Variants in DCC observed in about 807,000 individuals in gnomAD.
The protein encoded by DCC is netrin receptor DCC.
A neutral mutation model predicts 172.5 loss-of-function variants in DCC; 58 were observed. The ratio of observed to expected loss-of-function variants is 0.34; its 90% CI spans 0.27 to 0.42. The LOEUF (loss-of-function observed/expected upper bound fraction) is 0.42. DCC is among the 10% of genes least tolerant of loss of function. The pLI, the probability that DCC is intolerant of heterozygous loss-of-function variation, is 1.00. For missense variants in DCC, 1,740 were observed against 1,791.0 expected (o/e 0.97, Z 0.51); for synonymous variants, 709 against 644.5 (o/e 1.10, Z -1.52).
chr18:53,493,358 T>G (rs2045980692), intron 26 of DCC, among the ~76,000 whole-genome samples: 1 of 152,224 alleles, frequency 6.6e-6, no homozygotes, highest in African/African-American at 2.4e-5. Flanking sequence ...CTTCCAACAC[T>G]ATGTTGAATA....
At chr18:53,186,027 T>C (rs34059088) in intron 9 of DCC, among the ~76,000 whole-genome samples, 2,111 of 152,290 alleles carry the variant, frequency 0.014, 48 homozygotes, top group African/African-American at 0.044. Flanking sequence ...AGCTTACTAG[T>C]TGCTTGGGTT....
intron 1 of DCC, among the ~76,000 whole-genome samples, chr18:52,546,272 T>C (rs1316924851): frequency 1.3e-5 from 2 of 152,034 alleles, no homozygotes; most frequent in Admixed American, 6.6e-5. Context: ...AGGAGTGGTG[T>C]TGATGGGGAT....
chr18:52,598,469 A>G (rs1657870014), intron 1 of DCC, among the ~76,000 whole-genome samples: 2 of 152,208 alleles, frequency 1.3e-5, no homozygotes, highest in Admixed American at 1.3e-4. Context: ...CCAAGAATGC[A>G]TGGAGTCTCA....
At chr18:52,772,267 C>G (rs148879353) in intron 2 of DCC, among the ~76,000 whole-genome samples, 25 of 152,222 alleles carry the variant, frequency 1.6e-4, no homozygotes, top group African/African-American at 5.5e-4. Context: ...GACCATTGTA[C>G]CATGACTAAA....
rs991602746 is a variant in DCC, at chr18:52,379,481, A to G, written c.91+38603A>G. On this transcript the variant is annotated intron_variant, in intron 1 of 28. Coordinates refer to ENST00000442544, the MANE Select transcript of DCC (RefSeq NM_005215.4). ...CGTATTTAATTTGTTCTGTTGTTCA[A>G]CACTCTCCTCTCCACTGCCATGCTT... 1.4e-4 allele frequency among the ~76,000 whole-genome samples: 22 copies of G among 152,248 alleles called. No individual in the cohort carries two copies. In the South Asian group the frequency reaches 3.9e-3, roughly 27 times the overall value.
intron 19 of DCC, among the ~76,000 whole-genome samples, chr18:53,409,157 C>T (rs930166549): frequency 1.3e-4 from 19 of 151,976 alleles, no homozygotes; most frequent in African/African-American, 2.7e-4. Flanking sequence ...TGGGAATAAG[C>T]GGGAAGGAAG....
intron 1 of DCC, among the ~76,000 whole-genome samples, chr18:52,639,050 C>A (rs964023635): frequency 6.6e-6 from 1 of 152,128 alleles, no homozygotes; most frequent in Non-Finnish European, 1.5e-5. Flanking sequence ...ATAATCTGCT[C>A]CTGAATGAGC....
intron 7 of DCC, among the ~76,000 whole-genome samples, chr18:53,067,739 T>A (rs1232086335): frequency 6.6e-6 from 1 of 152,230 alleles, no homozygotes; most frequent in Non-Finnish European, 1.5e-5. Flanking sequence ...TAAAGAGTTA[T>A]CTATCATGTT....
At chr18:53,506,483 G>A (rs998753915) in intron 27 of DCC, among the ~76,000 whole-genome samples, 2 of 152,032 alleles carry the variant, frequency 1.3e-5, no homozygotes, top group Non-Finnish European at 2.9e-5. Flanking sequence ...CACAGCCCTC[G>A]GAAATTCAGT....
At chr18:53,400,146 G>A (rs904349797) in intron 18 of DCC, among the ~76,000 whole-genome samples, 1 of 152,078 alleles carries the variant, frequency 6.6e-6, no homozygotes, top group East Asian at 1.9e-4. Context: ...TTGTGGACAA[G>A]TTAAAATCAG....
intron 1 of DCC, among the ~76,000 whole-genome samples, chr18:52,464,698 T>C (rs11082926): frequency 0.22 from 33,708 of 152,020 alleles, 4,619 homozygotes; most frequent in Admixed American, 0.31. Context: ...GAGTAGGCAG[T>C]GAGAAATCAC....
At chr18:52,748,042 C>A (rs1240253798) in intron 1 of DCC, among the ~76,000 whole-genome samples, 1 of 152,180 alleles carries the variant, frequency 6.6e-6, no homozygotes, top group Non-Finnish European at 1.5e-5. Flanking sequence ...GCTCGTGCTA[C>A]GACCCCTGAT....
intron 1 of DCC, among the ~76,000 whole-genome samples, chr18:52,531,016 T>A (rs79130071): frequency 7.5e-4 from 114 of 152,320 alleles, no homozygotes; most frequent in African/African-American, 2.7e-3. Flanking sequence ...AAGGACAACT[T>A]GGCCTCTAAA....
chr18:52,832,719 G>A lies in DCC; in HGVS notation c.413-73325G>A, dbSNP rs9948229. ...AGAAACTTGCCAAGAATAATTAAAAGTAATTTGCAACTTCATTGCCCTTTT... is the reference window on the plus strand; with the variant it reads ...AGAAACTTGCCAAGAATAATTAAAAATAATTTGCAACTTCATTGCCCTTTT... On this transcript the variant is annotated intron_variant, in intron 2 of 28. Transcript: ENST00000442544. Among the ~76,000 whole-genome samples the A allele has an allele frequency of 3.0e-3, 461 of 152,190 alleles. 3 individuals are homozygous for A. The highest frequency in any genetic ancestry group is 0.011 in the African/African-American group (445 of 41,492).
intron 7 of DCC, among the ~76,000 whole-genome samples, chr18:53,118,215 C>A (rs1304965994): frequency 6.6e-6 from 1 of 151,784 alleles, no homozygotes; most frequent in Non-Finnish European, 1.5e-5. Flanking sequence ...ATTATTATTA[C>A]TTTTTTCTAA....
rs75681025 is a variant in DCC at position 53,376,126 on chromosome 18, G to A, written c.2360-9917G>A. On this transcript the variant is annotated intron_variant, in intron 15 of 28. Transcript: ENST00000442544. ...TAAAAATCAAGCCAGACGCGGTGAC[G>A]TGTGGCTGTAATCCCAGCACTCTGA... is the stretch of plus-strand genomic sequence containing the variant. Among the ~76,000 whole-genome samples, 333 of 152,162 alleles carry A rather than the reference G, an allele frequency of 2.2e-3. 1 individual carries two copies. In the East Asian group the frequency reaches 0.033, roughly 15 times the overall value.
chr18:53,312,703 G>A (rs1269134529), intron 13 of DCC, among the ~76,000 whole-genome samples: 2 of 150,504 alleles, frequency 1.3e-5, no homozygotes, highest in Admixed American at 1.3e-4. Context: ...CAGCTACTCG[G>A]GAGGCTGAGG....
chr18:52,825,818 C>A (rs146009707), intron 2 of DCC, among the ~76,000 whole-genome samples: 1 of 152,122 alleles, frequency 6.6e-6, no homozygotes, highest in African/African-American at 2.4e-5. Context: ...ATAAAAGTTG[C>A]GCTGTGCTCA....
chr18:52,814,500 G>C (rs1194840136), intron 2 of DCC, among the ~76,000 whole-genome samples: 2 of 152,126 alleles, frequency 1.3e-5, no homozygotes, highest in Admixed American at 1.3e-4. Context: ...CTTGATCCTT[G>C]TATCACAAAC....
Sources: gnomAD v4.1 joint callset for allele counts (sites outside exome capture counted in the v4.1 genomes callset) on GRCh38, gnomAD v4.1.1 for gene constraint, MANE v1.5 for transcripts, NCBI Gene and HGNC (gene_info 2026-07-23, HGNC 2026-07-21) for gene names.